Variants in UNC13C observed in about 807,000 individuals in gnomAD.
UNC13C encodes the protein unc-13 homolog C, also known as protein unc-13 homolog C.
UNC13C carries 174 observed loss-of-function variants against 245.4 expected under a neutral mutation model. That is an observed-to-expected ratio of 0.71 (90% confidence interval 0.63 to 0.80). The LOEUF (loss-of-function observed/expected upper bound fraction) is 0.80. Among genes scored for constraint, UNC13C ranks in the 30% least tolerant of loss-of-function variants. The pLI, the probability that UNC13C is intolerant of heterozygous loss-of-function variation, is 0.00. For synonymous variants in UNC13C, 992 were observed against 895.1 expected (o/e 1.11, Z -1.93); for missense variants, 2,829 against 2,602.9 (o/e 1.09, Z -1.89).
chr15:54,203,845 T>TACACATAC (rs1337476509), intron 4 of UNC13C, among the ~76,000 whole-genome samples: 15 of 100,200 alleles, frequency 1.5e-4, no homozygotes, highest in Non-Finnish European at 4.9e-5. Context: ...CACATACATA[T>TACACATAC]ACACGTATAT....
intron 29 of UNC13C, among the ~76,000 whole-genome samples, chr15:54,559,684 G>C (rs182578309): frequency 6.6e-6 from 1 of 152,074 alleles, no homozygotes; most frequent in Admixed American, 6.6e-5. Flanking sequence ...CCAGGGAAAA[G>C]CTTCCCAGAG....
intron 5 of UNC13C, among the ~76,000 whole-genome samples, 172 bp from the exon 6 acceptor site, chr15:54,236,258 G>C (rs1034078103): frequency 6.6e-6 from 1 of 152,096 alleles, no homozygotes; most frequent in Non-Finnish European, 1.5e-5. Flanking sequence ...TGACTGAAAA[G>C]ATCTTATACT....
intron 4 of UNC13C, among the ~76,000 whole-genome samples, chr15:54,181,557 G>A (rs1468841568): frequency 6.6e-6 from 1 of 151,782 alleles, no homozygotes. Flanking sequence ...GTGAATTTTA[G>A]AGTAGTTTTT....
intron 2 of UNC13C, among the ~76,000 whole-genome samples, chr15:54,101,494 C>T (rs1001874790): frequency 6.6e-6 from 1 of 152,048 alleles, no homozygotes; most frequent in Non-Finnish European, 1.5e-5. Flanking sequence ...ATTTATAATT[C>T]CCAAAATAAA....
At chr15:54,421,556 A>G (rs1410476151) in intron 19 of UNC13C, among the ~76,000 whole-genome samples, 1 of 151,990 alleles carries the variant, frequency 6.6e-6, no homozygotes, top group African/African-American at 2.4e-5. Context: ...ACATCCTGGG[A>G]ATAGGGCCCA....
In UNC13C at chr15:54,627,036, C is replaced by G; in HGVS notation, c.6568C>G (p.Gln2190Glu). ...TGLTILRILS[Q>E]RTSDDVAKEF... ...TTTGACTATCCTTAGAATACTCTCT[C>G]AGAGGACCAGTGATGATGTGGCTAA... Residue 2190 changes from glutamine (Q) to glutamate (E), a missense_variant, in exon 33 of 33, where the codon CAG (glutamine) becomes GAG (glutamate). Transcript: ENST00000260323. 6.2e-7 allele frequency: 1 copy of G among 1,613,304 alleles called. No individual in the cohort carries two copies.
chr15:54,569,214 A>G (rs1420995584), intron 30 of UNC13C, among the ~76,000 whole-genome samples: 1 of 151,884 alleles, frequency 6.6e-6, no homozygotes, highest in African/African-American at 2.4e-5. Flanking sequence ...CCCCCCTCCA[A>G]CACACACTCA....
At position 54,626,970 on chromosome 15, in the gene UNC13C, T is replaced by C. The variant is rs746373752; in HGVS notation, c.6502T>C (p.Trp2168Arg). The stretch of plus-strand genomic sequence containing the variant: ...AGCAGAAAAGGGAAGCTATGGGGCA[T>C]GGTATCCTCTTCTGAAAAATATCTC... The part of the protein sequence containing the change: ...NIAEKGSYGA[W>R]YPLLKNISMD... Residue 2168 changes from tryptophan (W) to arginine (R), a missense_variant, in exon 33 of 33, where the codon TGG becomes CGG. Physicochemically the swap from Trp to Arg is moderately radical, Grantham distance 101. Coordinates refer to ENST00000260323, the MANE Select transcript of UNC13C (RefSeq NM_001080534.3). 2 of 1,613,536 alleles carry C rather than the reference T, an allele frequency of 1.2e-6. No individual in the cohort carries two copies. The highest frequency in any genetic ancestry group is 2.2e-5 in the South Asian group (2 of 91,070).
intron 2 of UNC13C, among the ~76,000 whole-genome samples, chr15:54,116,967 T>C (rs1306383073): frequency 6.6e-6 from 1 of 152,200 alleles, no homozygotes; most frequent in Admixed American, 6.5e-5. Context: ...AAAACTGTTT[T>C]AGCTAGGGTA....
intron 13 of UNC13C, chr15:54,320,870 A>C (rs2038136639): frequency 3.1e-6 from 1 of 322,124 alleles, no homozygotes; most frequent in Non-Finnish European, 6.1e-6. Context: ...TTCATCCAAA[A>C]TTTGAAGATT....
chr15:54,626,424 GCGA>G (rs1434185247), intron 32 of UNC13C, among the ~76,000 whole-genome samples: 1 of 96,356 alleles, frequency 1.0e-5, no homozygotes, highest in African/African-American at 2.9e-5. Context: ...GAGGTAAAGT[GCGA>G]GGAGTAGTAA....
intron 4 of UNC13C, among the ~76,000 whole-genome samples, chr15:54,202,705 A>G (rs934231114): frequency 2.0e-5 from 3 of 152,078 alleles, no homozygotes; most frequent in South Asian, 2.1e-4. Context: ...ACCTGAAACC[A>G]TAAAGATTCT....
the UNC13C span, among the ~76,000 whole-genome samples, chr15:53,905,652 T>C: frequency 6.6e-6 from 1 of 151,860 alleles, no homozygotes; most frequent in African/African-American, 2.4e-5. Context: ...GGTCAAAGAG[T>C]ACAAAAAGTT....
chr15:53,849,314 A>G, the UNC13C span, among the ~76,000 whole-genome samples: 2 of 151,868 alleles, frequency 1.3e-5, no homozygotes, highest in Non-Finnish European at 1.5e-5. Context: ...TGGAGCAAGC[A>G]ATTTTTATAA....
At position 54,604,753 on chromosome 15, in the gene UNC13C, G is replaced by T. The variant is rs552229987; in HGVS notation, c.6107-17574G>T. Among the ~76,000 whole-genome samples the T allele has an allele frequency of 3.3e-5, 5 of 152,270 alleles. No individual in the cohort carries two copies. In the South Asian group the frequency reaches 1.0e-3, roughly 32 times the overall value. ...ATACTGTGTCAGCAGTGTTCTGGAG[G>T]ACTCTGAGTTGTTCAGATGTTGTTA... On this transcript the variant is annotated intron_variant, in intron 30 of 32. Transcript: ENST00000260323.
chr15:54,496,207 A>G (rs1893942164), intron 20 of UNC13C, among the ~76,000 whole-genome samples: 1 of 152,136 alleles, frequency 6.6e-6, no homozygotes, highest in Non-Finnish European at 1.5e-5. Context: ...GTCAAATAAA[A>G]CATACTTAAA....
chr15:54,332,019 C>G (rs377753777), intron 14 of UNC13C, 24 bp from the exon 15 acceptor site: 2 of 1,511,472 alleles, frequency 1.3e-6, no homozygotes, highest in African/African-American at 1.4e-5. Context: ...TTCCATTCTC[C>G]TATTTTGTGT....
chr15:54,005,793 G>A (rs1347841445), intron 1 of UNC13C, among the ~76,000 whole-genome samples: 3 of 152,158 alleles, frequency 2.0e-5, no homozygotes, highest in African/African-American at 7.2e-5. Context: ...TAAAACAATG[G>A]AAGAATACAC....
chr15:53,991,691 C>T (rs888884824), intron 1 of UNC13C, among the ~76,000 whole-genome samples: 3 of 152,028 alleles, frequency 2.0e-5, no homozygotes, highest in South Asian at 4.1e-4. Context: ...CTCCATAGCT[C>T]TAAGTTAGGC....
Sources: gnomAD v4.1 joint callset for allele counts (sites outside exome capture counted in the v4.1 genomes callset) on GRCh38, gnomAD v4.1.1 for gene constraint, MANE v1.5 for transcripts, NCBI Gene and HGNC (gene_info 2026-07-23, HGNC 2026-07-21) for gene names.